Variants in RSRC1 observed in about 807,000 individuals in gnomAD.
The protein encoded by RSRC1 is arginine and serine rich coiled-coil 1, also known as serine/Arginine-related protein 53.
RSRC1 carries 39 observed loss-of-function variants against 49.1 expected under a neutral mutation model. That is an observed-to-expected ratio of 0.79 (90% CI 0.61 to 1.04). The LOEUF is 1.04. Ranked by LOEUF, RSRC1 falls within the 50% of genes least tolerant of loss-of-function variation. The pLI, the probability that RSRC1 is intolerant of heterozygous loss-of-function variation, is 0.00. For synonymous variants in RSRC1, 143 were observed against 130.8 expected, an observed-to-expected ratio of 1.09 and a Z score of -0.63; for missense variants, 388 against 402.4, an observed-to-expected ratio of 0.96 and a Z score of 0.31.
At chr3:158,151,631 G>A (rs1024456081) in intron 3 of RSRC1, among the ~76,000 whole-genome samples, 1 of 152,118 alleles carries the variant, frequency 6.6e-6, no homozygotes, top group African/African-American at 2.4e-5. Flanking sequence ...TGCCAACTAG[G>A]TGGTAGGTCC....
At chr3:158,522,474 C>CA (rs749229541) in intron 7 of RSRC1, among the ~76,000 whole-genome samples, 23 of 152,026 alleles carry the variant, frequency 1.5e-4, no homozygotes, top group Non-Finnish European at 2.6e-4. Context: ...TCCAGCTGTA[C>CA]CCTACTTTCA....
intron 7 of RSRC1, among the ~76,000 whole-genome samples, chr3:158,493,816 A>T (rs1466245016): frequency 6.6e-6 from 1 of 152,212 alleles, no homozygotes; most frequent in African/African-American, 2.4e-5. Context: ...TGGTTGTCAC[A>T]TAAGTATATC....
At chr3:158,125,504 A>G (rs182782408) in intron 3 of RSRC1, among the ~76,000 whole-genome samples, 1 of 152,146 alleles carries the variant, frequency 6.6e-6, no homozygotes, top group African/African-American at 2.4e-5. Context: ...TGTGTAGTTT[A>G]ATTTCTACAT....
At chr3:158,194,868 T>A (rs1720480963) in intron 3 of RSRC1, among the ~76,000 whole-genome samples, 1 of 152,280 alleles carries the variant, frequency 6.6e-6, no homozygotes, top group South Asian at 2.1e-4. Context: ...GGTGTATATG[T>A]GCCACATTTT....
intron 7 of RSRC1, among the ~76,000 whole-genome samples, chr3:158,506,176 C>A (rs1325546210): frequency 6.6e-6 from 1 of 152,050 alleles, no homozygotes; most frequent in Non-Finnish European, 1.5e-5. Context: ...TACAGAATGG[C>A]AGAAAATATT....
chr3:158,194,583 G>T (rs926070188), intron 3 of RSRC1, among the ~76,000 whole-genome samples: 1 of 149,912 alleles, frequency 6.7e-6, no homozygotes, highest in African/African-American at 2.5e-5. Flanking sequence ...TGCCATGTTG[G>T]TGTGCTGCAC....
chr3:158,282,043 A>C (rs979990316), intron 4 of RSRC1, among the ~76,000 whole-genome samples: 4 of 152,198 alleles, frequency 2.6e-5, no homozygotes, highest in Non-Finnish European at 2.9e-5. Context: ...GTACACAGCC[A>C]GTGCTTTGCA....
chr3:158,130,499 A>C (rs1715944487), intron 3 of RSRC1, among the ~76,000 whole-genome samples: 1 of 152,206 alleles, frequency 6.6e-6, no homozygotes, highest in African/African-American at 2.4e-5. Context: ...GGATTTTTTC[A>C]GATTTTGTAA....
rs561815126 is a variant in RSRC1 at position 158,183,581 on chromosome 3, A to G, written c.321-19491A>G. 8.5e-5 allele frequency among the ~76,000 whole-genome samples: 13 copies of G among 152,348 alleles called. No individual in the cohort carries two copies. The South Asian group carries it at 2.7e-3, about 32-fold the overall frequency. On this transcript the variant is annotated intron_variant, in intron 3 of 9. Coordinates refer to ENST00000611884, the MANE Select transcript of RSRC1 (RefSeq NM_001271838.2). The stretch of plus-strand genomic sequence containing the variant: ...CACTAAAAAAAGGAGTTATAAAAAT[A>G]AAAAGTAAAACAATAATTTGTAAGT...
chr3:158,289,706 A>G (rs535743379), intron 4 of RSRC1, among the ~76,000 whole-genome samples: 15 of 152,224 alleles, frequency 9.9e-5, no homozygotes, highest in Admixed American at 4.6e-4. Flanking sequence ...AAACCTGAGA[A>G]GCAGAAACTG....
At chr3:158,170,786 T>A (rs909527051) in intron 3 of RSRC1, among the ~76,000 whole-genome samples, 6 of 152,258 alleles carry the variant, frequency 3.9e-5, no homozygotes, top group Admixed American at 2.0e-4. Context: ...ATTGTTTTTT[T>A]AAATTTTTTC....
chr3:158,376,905 A>G (rs1210936864), intron 6 of RSRC1, among the ~76,000 whole-genome samples: 2 of 152,128 alleles, frequency 1.3e-5, no homozygotes, highest in Non-Finnish European at 2.9e-5. Context: ...TTTGTTGGCA[A>G]ATGTACCAAG....
chr3:158,533,118 A>G (rs963519837), intron 7 of RSRC1, among the ~76,000 whole-genome samples: 1 of 151,774 alleles, frequency 6.6e-6, no homozygotes, highest in Admixed American at 6.6e-5. Context: ...CTGACATGAG[A>G]ATTTTGAGTA....
chr3:158,123,028 T>C (rs1440607983), intron 2 of RSRC1, among the ~76,000 whole-genome samples: 1 of 152,200 alleles, frequency 6.6e-6, no homozygotes, highest in Non-Finnish European at 1.5e-5. Context: ...TGAACAGTGC[T>C]GCAACGGAGT....
intron 4 of RSRC1, among the ~76,000 whole-genome samples, chr3:158,280,886 A>G (rs1251634557): frequency 2.0e-5 from 3 of 151,998 alleles, no homozygotes; most frequent in Non-Finnish European, 2.9e-5. Context: ...AGCTCAGGCA[A>G]TCCACCCACC....
At chr3:158,196,500 C>A (rs1720627036) in intron 3 of RSRC1, among the ~76,000 whole-genome samples, 1 of 152,154 alleles carries the variant, frequency 6.6e-6, no homozygotes, top group African/African-American at 2.4e-5. Context: ...ATTTCCTTCT[C>A]CTGCCTGATT....
chr3:158,384,658 G>T (rs541980408), intron 6 of RSRC1, among the ~76,000 whole-genome samples: 2 of 152,118 alleles, frequency 1.3e-5, no homozygotes, highest in East Asian at 1.9e-4. Flanking sequence ...TGAGAACATT[G>T]TAAGAGGTCT....
At chr3:158,275,156 T>G (rs954963793) in intron 4 of RSRC1, among the ~76,000 whole-genome samples, 3 of 152,176 alleles carry the variant, frequency 2.0e-5, no homozygotes, top group Admixed American at 6.5e-5. Context: ...TATCTAACAT[T>G]CAATTTCAAA....
chr3:158,362,986 A>G (rs937800299), intron 6 of RSRC1, among the ~76,000 whole-genome samples: 2 of 152,330 alleles, frequency 1.3e-5, no homozygotes, highest in Non-Finnish European at 1.5e-5. Flanking sequence ...AAAGATAGAA[A>G]TTTCTTTTTG....
Sources: gnomAD v4.1 joint callset for allele counts (sites outside exome capture counted in the v4.1 genomes callset) on GRCh38, gnomAD v4.1.1 for gene constraint, MANE v1.5 for transcripts, NCBI Gene and HGNC (gene_info 2026-07-23, HGNC 2026-07-21) for gene names.